The following SVOPL variants were observed in gnomAD, a reference collection of about 807,000 sequenced individuals.
SVOPL encodes the protein SVOP like.
Under a neutral mutation model 61.0 loss-of-function variants are expected in SVOPL, and 60 were observed. The observed-to-expected ratio is 0.98, with a 90% CI of 0.80 to 1.22. The LOEUF (loss-of-function observed/expected upper bound fraction) is 1.22, where lower values mean the gene tolerates loss of function less well. Ranked by LOEUF, SVOPL falls within the 50% of genes most tolerant of loss-of-function variation. The probability of loss-of-function intolerance (pLI) is 0.00; values close to 1 mark genes in which losing one functional copy is unlikely to be tolerated. For missense variants in SVOPL, 662 were observed against 643.9 expected, an observed-to-expected ratio of 1.03 and a Z score of -0.30; for synonymous variants, 279 against 250.0, an observed-to-expected ratio of 1.12 and a Z score of -1.09.
At chr7:138,634,347 A>G (rs1800362484) in intron 9 of SVOPL, among the ~76,000 whole-genome samples, 4 of 152,076 alleles carry the variant, frequency 2.6e-5, no homozygotes, top group Middle Eastern at 3.2e-3. Context: ...CTCTATGAAA[A>G]AATAAGAAAA....
At chr7:138,635,182 A>G (rs570869095) in intron 9 of SVOPL, among the ~76,000 whole-genome samples, 11 of 151,884 alleles carry the variant, frequency 7.2e-5, no homozygotes, top group Non-Finnish European at 1.5e-4. Flanking sequence ...TGAGGCAGGA[A>G]AATCGCTTGA....
chr7:138,596,508 AGTATTGATGCAC>A lies in SVOPL; in HGVS notation c.1364_1375del (p.Ser455_Leu459delinsMet), dbSNP rs1172652219. 1 of 1,613,860 alleles carries A rather than the reference AGTATTGATGCAC, an allele frequency of 6.2e-7. No individual in the cohort carries two copies. Among genetic ancestry groups the A allele is most frequent in the Non-Finnish European group, 8.5e-7 (1 of 1,179,832 alleles). On this transcript the variant is annotated inframe_deletion, in exon 15 of 16. Transcript: ENST00000674285. ...AGATGAGAAGAGACACAGGGCCCCC[AGTATTGATGCAC>A]TCATAAGAACCTGCAAGTCACAAGA... is the stretch of plus-strand genomic sequence containing the variant.
chr7:138,596,727 G>A (rs960645143), intron 14 of SVOPL, 197 bp from the exon 15 acceptor site: 1 of 1,284,990 alleles, frequency 7.8e-7, no homozygotes, highest in Non-Finnish European at 9.9e-7. Context: ...CCAAGAACAG[G>A]AACTGGTATT....
intron 7 of SVOPL, among the ~76,000 whole-genome samples, chr7:138,655,839 G>A (rs184355125): frequency 2.0e-4 from 30 of 152,180 alleles, no homozygotes; most frequent in African/African-American, 7.2e-4. Context: ...AAGAAGCTAT[G>A]AACATTGTTG....
At chr7:138,683,423 A>G (rs1017084714) in intron 1 of SVOPL, among the ~76,000 whole-genome samples, 1 of 152,072 alleles carries the variant, frequency 6.6e-6, no homozygotes, top group African/African-American at 2.4e-5. Flanking sequence ...GCTGGGGTGC[A>G]GTGGCGGGAT....
chr7:138,673,021 TTG>T (rs1802469221), intron 3 of SVOPL, among the ~76,000 whole-genome samples: 1 of 152,066 alleles, frequency 6.6e-6, no homozygotes, highest in South Asian at 2.1e-4. Flanking sequence ...GACTGAGATT[TTG>T]TGTCTGGTGG....
rs902757077 is a variant in SVOPL, at chr7:138,627,779, A to AT, written c.1070-319dup. 1.6e-4 allele frequency among the ~76,000 whole-genome samples: 24 copies of AT among 152,006 alleles called. 1 individual carries two copies. The highest frequency in any genetic ancestry group is 4.6e-4 in the African/African-American group (19 of 41,472). ...TTTCATCAAATTCAAGGTGCCATTG[A>AT]TTTTTTTTCATCAGCTCAGTTTAAC... On this transcript the variant is annotated intron_variant, in intron 11 of 15. Transcript: ENST00000674285.
chr7:138,659,371 T>C (rs766830177), intron 6 of SVOPL, among the ~76,000 whole-genome samples: 1 of 151,894 alleles, frequency 6.6e-6, no homozygotes, highest in Non-Finnish European at 1.5e-5. Flanking sequence ...CAGGCATCTG[T>C]AATCCCAGCT....
intron 7 of SVOPL, among the ~76,000 whole-genome samples, chr7:138,653,976 T>G (rs542427693): frequency 1.4e-5 from 2 of 141,202 alleles, no homozygotes; most frequent in Admixed American, 7.0e-5. Context: ...AAAGAAAAAA[T>G]ACAAAAGTTA....
chr7:138,629,204 C>T, intron 10 of SVOPL, among the ~76,000 whole-genome samples: 1 of 142,434 alleles, frequency 7.0e-6, no homozygotes, highest in South Asian at 2.3e-4. Flanking sequence ...ATTTCTCCTC[C>T]CCATGGATGG....
At chr7:138,627,653 T>A (rs983274362) in intron 11 of SVOPL, among the ~76,000 whole-genome samples, 192 bp from the exon 12 acceptor site, 2 of 152,164 alleles carry the variant, frequency 1.3e-5, no homozygotes, top group East Asian at 3.8e-4. Flanking sequence ...CCCACGTGGG[T>A]CCAGGAATGA....
chr7:138,691,068 C>G (rs973481927), intron 1 of SVOPL, among the ~76,000 whole-genome samples: 5 of 152,110 alleles, frequency 3.3e-5, no homozygotes, highest in African/African-American at 1.2e-4. Context: ...AGCCACCGCA[C>G]CCAGCCTGAA....
chr7:138,649,148 A>T lies in SVOPL; in HGVS notation c.535-11T>A. 1 of 1,604,370 alleles carries T rather than the reference A, an allele frequency of 6.2e-7. No homozygotes were observed. The highest frequency in any genetic ancestry group is 8.5e-7 in the Non-Finnish European group (1 of 1,176,218). On this transcript the variant is annotated splice_polypyrimidine_tract_variant and intron_variant, in intron 7 of 15. Transcript: ENST00000674285. ...CGCAAGCCAGAACACCTAGGAAGAG[A>T]GAAGTCCAGGATTAAAGTTCTTTGG...
intron 1 of SVOPL, among the ~76,000 whole-genome samples, chr7:138,700,663 T>C (rs1803172660): frequency 6.9e-6 from 1 of 144,198 alleles, no homozygotes; most frequent in African/African-American, 2.6e-5. Context: ...TTCTAAATCC[T>C]TTCTAACCCA....
At chr7:138,640,358 A>G (rs1283712530) in intron 9 of SVOPL, among the ~76,000 whole-genome samples, 1 of 151,900 alleles carries the variant, frequency 6.6e-6, no homozygotes, top group Non-Finnish European at 1.5e-5. Context: ...CAGCCTCCCG[A>G]GTAGCTGGGA....
intron 4 of SVOPL, chr7:138,663,408 G>T (rs886956628): frequency 5.7e-5 from 78 of 1,360,786 alleles, no homozygotes; most frequent in African/African-American, 7.3e-5. Flanking sequence ...GCTAGAGGAC[G>T]GCTTCGGCTC....
At chr7:138,673,109 ATTTG>A (rs750344666) in intron 3 of SVOPL, among the ~76,000 whole-genome samples, 25 of 152,242 alleles carry the variant, frequency 1.6e-4, no homozygotes, top group African/African-American at 4.3e-4. Context: ...GAGAAAATGA[ATTTG>A]TTTGGCACAT....
intron 3 of SVOPL, among the ~76,000 whole-genome samples, 192 bp from the exon 4 acceptor site, chr7:138,672,309 C>T (rs1201132431): frequency 6.6e-6 from 1 of 152,170 alleles, no homozygotes; most frequent in East Asian, 1.9e-4. Context: ...GTGGATGTGA[C>T]TTTCATGGTT....
At chr7:138,619,851 A>G (rs1194758899) in intron 14 of SVOPL, among the ~76,000 whole-genome samples, 4 of 152,288 alleles carry the variant, frequency 2.6e-5, no homozygotes, top group African/African-American at 9.6e-5. Flanking sequence ...AGTGTCTTCC[A>G]GAGGCCAGAG....
Sources: gnomAD v4.1 joint callset for allele counts (sites outside exome capture counted in the v4.1 genomes callset) on GRCh38, gnomAD v4.1.1 for gene constraint, MANE v1.5 for transcripts, NCBI Gene and HGNC (gene_info 2026-07-23, HGNC 2026-07-21) for gene names.